Variants in NAV2 observed in about 807,000 individuals in gnomAD.
The protein encoded by NAV2 is neuron navigator 2.
In NAV2, 54 loss-of-function variants were observed where a neutral mutation model predicts 223.2. The ratio of observed to expected loss-of-function variants is 0.24; its 90% CI spans 0.19 to 0.30. The LOEUF (loss-of-function observed/expected upper bound fraction) is 0.30, where lower values mean the gene tolerates loss of function less well. Ranked by LOEUF, NAV2 falls within the 10% of genes least tolerant of loss-of-function variation. The probability of loss-of-function intolerance (pLI) is 1.00; values close to 1 mark genes in which losing one functional copy is unlikely to be tolerated. For synonymous variants in NAV2, 1,279 were observed against 1,239.3 expected (o/e 1.03, Z -0.67); for missense variants, 2,806 against 3,147.5 (o/e 0.89, Z 2.60).
chr11:19,461,359 G>A (rs1852152340), intron 1 of NAV2, among the ~76,000 whole-genome samples: 1 of 152,196 alleles, frequency 6.6e-6, no homozygotes, highest in East Asian at 1.9e-4. Flanking sequence ...AACTTTCGGA[G>A]GGATTTCCTA....
intron 1 of NAV2, among the ~76,000 whole-genome samples, chr11:19,688,460 T>G (rs2049082114): frequency 2.0e-5 from 3 of 152,184 alleles, no homozygotes; most frequent in Admixed American, 1.3e-4. Context: ...AGGGAAAACC[T>G]GCAGCAAGCA....
chr11:19,811,765 T>TTTTGTGATTTTTATCTA (rs2058845699), intron 1 of NAV2, among the ~76,000 whole-genome samples: 1 of 152,182 alleles, frequency 6.6e-6, no homozygotes, highest in Non-Finnish European at 1.5e-5. Flanking sequence ...GCAGATAGCC[T>TTTTGTGATTTTTATCTA]TTTGTGATTT....
upstream of NAV2, among the ~76,000 whole-genome samples, chr11:19,708,055 C>T (rs547890763): frequency 1.5e-4 from 23 of 152,292 alleles, no homozygotes; most frequent in South Asian, 4.6e-3. Flanking sequence ...AACCCTCAGC[C>T]TTTGTTCTCA....
chr11:19,399,204 T>C (rs1438549202), intron 1 of NAV2, among the ~76,000 whole-genome samples: 1 of 152,124 alleles, frequency 6.6e-6, no homozygotes, highest in East Asian at 1.9e-4. Context: ...CCCTGTGTCT[T>C]AGGCTGAGTG....
chr11:19,988,222 A>C (rs1368944446), intron 11 of NAV2, among the ~76,000 whole-genome samples: 1 of 152,250 alleles, frequency 6.6e-6, no homozygotes, highest in Admixed American at 6.5e-5. Flanking sequence ...GGGCTGAGCC[A>C]GTTAGATGCT....
chr11:19,816,819 A>G (rs2059114936), intron 1 of NAV2, among the ~76,000 whole-genome samples: 1 of 152,162 alleles, frequency 6.6e-6, no homozygotes, highest in Non-Finnish European at 1.5e-5. Flanking sequence ...TACCTATAAT[A>G]TCTATTATTT....
intron 4 of NAV2, among the ~76,000 whole-genome samples, chr11:19,871,240 C>A (rs911711787): frequency 6.6e-6 from 1 of 152,178 alleles, no homozygotes; most frequent in African/African-American, 2.4e-5. Context: ...CAAGTTGTTA[C>A]AATTACTTGA....
chr11:19,766,896 C>A (rs150860825), intron 1 of NAV2, among the ~76,000 whole-genome samples: 1,951 of 152,232 alleles, frequency 0.013, 20 homozygotes, highest in Non-Finnish European at 0.019. Flanking sequence ...CTAGGGCAAT[C>A]ATAAAAGGCC....
Position 19,726,262 on chromosome 11 carries a change from A to C in NAV2, c.267+12300A>C, listed in dbSNP as rs139965412. Reference sequence around the variant, plus strand: ...GAAAGAGAGGCGTGTCAGACTAAAAAAGGAGGGGCTGAAATGGTGGCCTGT... The same window carrying C: ...GAAAGAGAGGCGTGTCAGACTAAAACAGGAGGGGCTGAAATGGTGGCCTGT... On this transcript the variant is annotated intron_variant, in intron 1 of 37. Transcript: ENST00000349880. 1.8e-3 allele frequency among the ~76,000 whole-genome samples: 272 copies of C among 152,336 alleles called. 1 individual carries two copies. Among genetic ancestry groups the C allele is most frequent in the African/African-American group, 6.3e-3 (261 of 41,574 alleles).
intron 1 of NAV2, among the ~76,000 whole-genome samples, chr11:19,527,801 C>T (rs2043890027): frequency 6.6e-6 from 1 of 152,144 alleles, no homozygotes; most frequent in African/African-American, 2.4e-5. Context: ...TGATTTGCAT[C>T]TGGGGTGGTC....
chr11:19,978,126 G>C (rs546387627), intron 10 of NAV2, among the ~76,000 whole-genome samples: 7 of 150,288 alleles, frequency 4.7e-5, no homozygotes, highest in Non-Finnish European at 8.8e-5. Flanking sequence ...CACCCAGCAA[G>C]GTCAGTTTTT....
chr11:20,107,056 CATT>C (rs2062183824), intron 35 of NAV2, among the ~76,000 whole-genome samples: 2 of 91,708 alleles, frequency 2.2e-5, no homozygotes, highest in African/African-American at 8.9e-5. Context: ...CATGGGCTTC[CATT>C]TTTTTTTTTT....
chr11:19,820,421 G>T (rs1248978718), intron 1 of NAV2, among the ~76,000 whole-genome samples: 1 of 152,230 alleles, frequency 6.6e-6, no homozygotes, highest in African/African-American at 2.4e-5. Context: ...AGAGATTGTG[G>T]TTAAAAGTTG....
chr11:20,045,503 G>A lies in NAV2; in HGVS notation c.3735G>A (p.Leu1245=). The A allele has an allele frequency of 6.2e-7, 1 of 1,614,150 alleles. No individual in the cohort carries two copies. The highest frequency in any genetic ancestry group is 8.5e-7 in the Non-Finnish European group (1 of 1,180,022). Reference sequence around the variant, plus strand: ...CCCTAGGCAGCTCTCTACCAGGTCTGGTCAACCAAACAGACAAGGAGAAAG... The same window carrying A: ...CCCTAGGCAGCTCTCTACCAGGTCTAGTCAACCAAACAGACAAGGAGAAAG... ...KTALGSSLPG[L]VNQTDKEKGI... The change falls in exon 14 of 38, where the codon CTG becomes CTA. Residue 1245 remains leucine, a synonymous_variant. Coordinates refer to ENST00000349880, the MANE Select transcript of NAV2 (RefSeq NM_145117.5).
intron 1 of NAV2, among the ~76,000 whole-genome samples, chr11:19,537,286 TAAC>T (rs1416063084): frequency 6.6e-6 from 1 of 150,444 alleles, no homozygotes; most frequent in Non-Finnish European, 1.5e-5. Flanking sequence ...ATAATAATAA[TAAC>T]AACACCCACC....
chr11:19,872,815 A>G (rs2062606372), intron 4 of NAV2, among the ~76,000 whole-genome samples: 1 of 152,208 alleles, frequency 6.6e-6, no homozygotes, highest in African/African-American at 2.4e-5. Flanking sequence ...AGCCCCATGG[A>G]GGTGCTGCTG....
At chr11:20,074,760 C>CTTTTTTTTTTTTTTT (rs1554948003) in intron 22 of NAV2, among the ~76,000 whole-genome samples, 2 of 110,258 alleles carry the variant, frequency 1.8e-5, no homozygotes, top group Non-Finnish European at 1.8e-5. Context: ...TGCAACTCTG[C>CTTTTTTTTTTTTTTT]TTTTTTTTTT....
intron 16 of NAV2, 105 bp from the exon 17 acceptor site, chr11:20,051,184 T>A (rs933558061): frequency 1.2e-5 from 11 of 888,276 alleles, no homozygotes; most frequent in Non-Finnish European, 2.1e-5. Flanking sequence ...CCTGGTGATG[T>A]GCACCTCTTT....
chr11:19,426,477 C>A (rs932624897), intron 1 of NAV2, among the ~76,000 whole-genome samples: 2 of 152,166 alleles, frequency 1.3e-5, no homozygotes, highest in African/African-American at 4.8e-5. Context: ...CGCCTTTTTG[C>A]TCTAGTCCCT....
Sources: gnomAD v4.1 joint callset for allele counts (sites outside exome capture counted in the v4.1 genomes callset) on GRCh38, gnomAD v4.1.1 for gene constraint, MANE v1.5 for transcripts, NCBI Gene and HGNC (gene_info 2026-07-23, HGNC 2026-07-21) for gene names.